The following ST6GALNAC4 variants were observed in gnomAD, a reference collection of about 807,000 sequenced individuals.
The protein encoded by ST6GALNAC4 is ST6 N-acetylgalactosaminide alpha-2,6-sialyltransferase 4.
ST6GALNAC4 carries 24 observed loss-of-function variants against 30.4 expected under a neutral mutation model. That is an observed-to-expected ratio of 0.79 (90% CI 0.57 to 1.11). The LOEUF (loss-of-function observed/expected upper bound fraction) is 1.11. ST6GALNAC4 is among the 50% of genes most tolerant of loss of function. ST6GALNAC4 has a pLI of 0.00. For missense variants in ST6GALNAC4, 365 were observed against 430.1 expected (o/e 0.85, Z 1.34); for synonymous variants, 156 against 179.7 (o/e 0.87, Z 1.05).
chr9:127,914,490 CAAAAAAAAAAA>C (rs60857050), intron 3 of ST6GALNAC4, among the ~76,000 whole-genome samples, 155 bp downstream of exon 3: 505 of 50,160 alleles, frequency 0.01, 12 homozygotes, highest in African/African-American at 0.043. Flanking sequence ...GACTCCGTCT[CAAAAAAAAAAA>C]AAAAAAAAAA....
chr9:127,912,767 C>T, intron 3 of ST6GALNAC4, 87 bp from the exon 4 acceptor site: 1 of 1,415,562 alleles, frequency 7.1e-7, no homozygotes, highest in Non-Finnish European at 9.3e-7. Flanking sequence ...ATCCACCAAT[C>T]TTGCTTGATC....
intron 2 of ST6GALNAC4, 66 bp downstream of exon 2, chr9:127,916,342 G>T: frequency 6.2e-7 from 1 of 1,608,674 alleles, no homozygotes; most frequent in Non-Finnish European, 8.5e-7. Context: ...GGGTGGAGAG[G>T]CTGCTGAGCT....
chr9:127,912,107 C>A (rs967441098), intron 4 of ST6GALNAC4, among the ~76,000 whole-genome samples, 161 bp downstream of exon 4: 2 of 152,188 alleles, frequency 1.3e-5, no homozygotes, highest in Admixed American at 6.5e-5. Flanking sequence ...TGAGTGACAT[C>A]CCCTCTGCCT....
chr9:127,916,827 T>C lies in ST6GALNAC4; in HGVS notation c.-77A>G. 1 of 257,972 alleles carries C rather than the reference T, an allele frequency of 3.9e-6. No homozygotes were observed. Among genetic ancestry groups the C allele is most frequent in the South Asian group, 6.5e-5 (1 of 15,476 alleles). The allele number at this position is 257,972 out of a possible 1,614,324, so 16.0% of individuals were successfully genotyped here. A position where few individuals can be genotyped will look rare whatever the true frequency, so the allele number is the denominator to read the frequency against. ...GGAATTCCACCCCATCCATCCTACC[T>C]CTCTACCCGGGGGACGAATGGAGAG... On this transcript the variant is annotated splice_region_variant and 5_prime_UTR_variant, in exon 1 of 6. Coordinates refer to ENST00000335791, the MANE Select transcript of ST6GALNAC4 (RefSeq NM_175039.4).
At chr9:127,910,371 C>T in intron 4 of ST6GALNAC4, 2 of 1,145,460 alleles carry the variant, frequency 1.7e-6, no homozygotes, top group East Asian at 6.5e-5. Context: ...CTCTCCTCAT[C>T]TAAGGGACCA....
At chr9:127,910,629 G>A (rs1217637070) in intron 4 of ST6GALNAC4, 8 of 987,764 alleles carry the variant, frequency 8.1e-6, no homozygotes, top group Non-Finnish European at 8.4e-6. Context: ...AAGGGGCTAG[G>A]TGGTGGCCCC....
At position 127,912,400 on chromosome 9, in the gene ST6GALNAC4, A is replaced by C. The variant is rs775332710; in HGVS notation, c.479T>G (p.Val160Gly). 1 of 1,614,036 alleles carries C rather than the reference A, an allele frequency of 6.2e-7. No individual in the cohort carries two copies. Among genetic ancestry groups the C allele is most frequent in the South Asian group, 1.1e-5 (1 of 91,072 alleles). ...VWGQGRHMDRVLGGRTYRTLL... is the reference protein window; with the variant it reads ...VWGQGRHMDRGLGGRTYRTLL... Reference sequence around the variant, plus strand: ...CGTGCGGTAGGTGCGGCCGCCGAGCACCCGGTCCATGTGCCTGCCCTGGCC... The same window carrying C: ...CGTGCGGTAGGTGCGGCCGCCGAGCCCCCGGTCCATGTGCCTGCCCTGGCC... The change falls in exon 4 of 6, where the codon GTG becomes GGG. Residue 160 changes from valine to glycine, a missense_variant. Physicochemically the swap from Val to Gly is moderately radical, Grantham distance 109. Coordinates refer to ENST00000335791, the MANE Select transcript of ST6GALNAC4 (RefSeq NM_175039.4).
At chr9:127,911,378 G>C (rs1013563238) in intron 4 of ST6GALNAC4, among the ~76,000 whole-genome samples, 1 of 152,196 alleles carries the variant, frequency 6.6e-6, no homozygotes. Flanking sequence ...GTGGAGGAGG[G>C]GCTGGCAAGA....
At position 127,914,802 on chromosome 9, in the gene ST6GALNAC4, A is replaced by C. The variant is rs1445350145; in HGVS notation, c.52T>G (p.Ser18Ala). The change falls in exon 3 of 6, where the codon TCT becomes GCT. Residue 18 changes from serine to alanine, a missense_variant. By Grantham distance (99) the Ser-to-Ala change is moderately conservative (BLOSUM62 1). Transcript: ENST00000335791. ...VLIILCSVVF[S>A]AVYILLCCWA... Reference sequence around the variant, plus strand: ...CAGCACAGGAGGATGTAGACGGCAGAGAAGACCACGGAGCACAGGATGATG... The same window carrying C: ...CAGCACAGGAGGATGTAGACGGCAGCGAAGACCACGGAGCACAGGATGATG... 16 of 1,583,998 alleles carry C rather than the reference A, an allele frequency of 1.0e-5. No individual in the cohort carries two copies. The highest frequency in any genetic ancestry group is 1.4e-5 in the Non-Finnish European group (16 of 1,163,642).
chr9:127,909,259 C>T (rs575219709), intron 5 of ST6GALNAC4, among the ~76,000 whole-genome samples: 20 of 151,914 alleles, frequency 1.3e-4, no homozygotes, highest in East Asian at 5.8e-4. Flanking sequence ...CGTGGTGGCA[C>T]GTGCCTGTAA....
chr9:127,916,149 T>C (rs1260712994), intron 2 of ST6GALNAC4: 23 of 578,660 alleles, frequency 4.0e-5, no homozygotes, highest in Non-Finnish European at 6.2e-5. Flanking sequence ...CAGTTCCACG[T>C]AGGCTTTGCC....
At chr9:127,914,559 C>T in intron 3 of ST6GALNAC4, 97 bp downstream of exon 3, 1 of 572,736 alleles carries the variant, frequency 1.7e-6, no homozygotes, top group Non-Finnish European at 2.5e-6. Context: ...TGGCCAGGAT[C>T]ACATGGCTGG....
At position 127,912,418 on chromosome 9, in the gene ST6GALNAC4, C is replaced by A; in HGVS notation, c.461G>T (p.Gly154Val). 6.2e-7 allele frequency: 1 copy of A among 1,614,168 alleles called. No homozygotes were observed. The highest frequency in any genetic ancestry group is 8.5e-7 in the Non-Finnish European group (1 of 1,180,020). ...GCCGAGCACCCGGTCCATGTGCCTG[C>A]CCTGGCCCCACACCATGTAGAGCGT... Reference protein sequence around the residue: ...RDTLYMVWGQGRHMDRVLGGR... With the variant: ...RDTLYMVWGQVRHMDRVLGGR... The change falls in exon 4 of 6, where the codon GGC becomes GTC. Residue 154 changes from glycine (G) to valine (V), a missense_variant. Gly to Val is a moderately radical substitution (Grantham distance 109, BLOSUM62 -3). Transcript: ENST00000335791.
chr9:127,910,096 A>G, intron 4 of ST6GALNAC4, 38 bp from the exon 5 acceptor site: 1 of 1,606,036 alleles, frequency 6.2e-7, no homozygotes. Flanking sequence ...GCTGTCAACA[A>G]GAGGCCATGT....
intron 4 of ST6GALNAC4, among the ~76,000 whole-genome samples, chr9:127,911,057 G>A (rs1484478014): frequency 6.6e-6 from 1 of 152,142 alleles, no homozygotes. Flanking sequence ...CAGGGAGAGG[G>A]AACAGCAGGT....
intron 3 of ST6GALNAC4, 97 bp downstream of exon 3, chr9:127,914,559 C>A: frequency 3.5e-6 from 2 of 572,690 alleles, no homozygotes; most frequent in East Asian, 1.0e-4. Context: ...TGGCCAGGAT[C>A]ACATGGCTGG....
chr9:127,911,547 G>A (rs540614738), intron 4 of ST6GALNAC4, among the ~76,000 whole-genome samples: 2 of 152,256 alleles, frequency 1.3e-5, no homozygotes, highest in South Asian at 2.1e-4. Context: ...GCAGTGGTGC[G>A]ATCTTGGCTC....
chr9:127,910,362 T>C, intron 4 of ST6GALNAC4: 5 of 1,151,528 alleles, frequency 4.3e-6, no homozygotes, highest in Non-Finnish European at 5.4e-6. Context: ...GGCCACGTCC[T>C]CTCCTCATCT....
In ST6GALNAC4 at chr9:127,917,020, T is replaced by C. The variant is rs958750783; in HGVS notation, c.-270A>G. The C allele has an allele frequency of 6.5e-6, 1 of 152,928 alleles. No individual in the cohort carries two copies. The highest frequency in any genetic ancestry group is 2.4e-5 in the African/African-American group (1 of 41,414). 9.5% of individuals were successfully genotyped at this position (152,928 alleles called of 1,614,324 possible). On this transcript the variant is annotated 5_prime_UTR_variant, in exon 1 of 6. Coordinates refer to ENST00000335791, the MANE Select transcript of ST6GALNAC4 (RefSeq NM_175039.4). ...CCGGGCCGACTGGGCTGGAAGCTGA[T>C]CCGCGCGGCCAGAGGCAGGGGGCGG...
Sources: gnomAD v4.1 joint callset for allele counts (sites outside exome capture counted in the v4.1 genomes callset) on GRCh38, gnomAD v4.1.1 for gene constraint, MANE v1.5 for transcripts, NCBI Gene and HGNC (gene_info 2026-07-23, HGNC 2026-07-21) for gene names.